PDE1C: variants seen among roughly 807,000 people sequenced by gnomAD.
PDE1C encodes phosphodiesterase 1C.
PDE1C carries 62 observed loss-of-function variants against 93.1 expected under a neutral mutation model. The observed-to-expected ratio is 0.67, with a 90% confidence interval of 0.54 to 0.82. The LOEUF (loss-of-function observed/expected upper bound fraction) is 0.82, where lower values mean the gene tolerates loss of function less well. Among genes scored for constraint, PDE1C ranks in the 40% least tolerant of loss-of-function variants. The probability of loss-of-function intolerance (pLI) is 0.00; values close to 1 mark genes in which losing one functional copy is unlikely to be tolerated. For synonymous variants in PDE1C, 325 were observed against 310.1 expected, an observed-to-expected ratio of 1.05 and a Z score of -0.50; for missense variants, 742 against 884.6, an observed-to-expected ratio of 0.84 and a Z score of 2.04.
At chr7:32,335,646 C>T (rs1158230575) in intron 1 of PDE1C, among the ~76,000 whole-genome samples, 1 of 152,092 alleles carries the variant, frequency 6.6e-6, no homozygotes, top group Non-Finnish European at 1.5e-5. Flanking sequence ...ATAAGGACAC[C>T]AATCATATTG....
chr7:32,296,688 C>A (rs1271774732), intron 1 of PDE1C, among the ~76,000 whole-genome samples: 1 of 152,112 alleles, frequency 6.6e-6, no homozygotes, highest in Non-Finnish European at 1.5e-5. Flanking sequence ...TTTTAGAAAG[C>A]CACACTTTGA....
intron 1 of PDE1C, among the ~76,000 whole-genome samples, chr7:32,269,801 T>C (rs1433111747): frequency 6.6e-6 from 1 of 152,094 alleles, no homozygotes; most frequent in Non-Finnish European, 1.5e-5. Flanking sequence ...AGAGACAGCA[T>C]CTCACTCTGT....
intron 2 of PDE1C, among the ~76,000 whole-genome samples, chr7:31,892,804 T>G (rs1458613939): frequency 6.6e-6 from 1 of 152,178 alleles, no homozygotes; most frequent in Admixed American, 6.5e-5. Context: ...GGGTACAAAG[T>G]TCCAGTTACA....
At chr7:31,851,543 C>A (rs1438741460) in intron 7 of PDE1C, among the ~76,000 whole-genome samples, 3 of 152,182 alleles carry the variant, frequency 2.0e-5, no homozygotes, top group South Asian at 4.1e-4. Context: ...TACTTCCTAT[C>A]GCTTCTGTAA....
intron 11 of PDE1C, among the ~76,000 whole-genome samples, chr7:31,832,457 G>A (rs909160681): frequency 1.1e-4 from 16 of 152,150 alleles, no homozygotes; most frequent in Non-Finnish European, 2.9e-5. Flanking sequence ...GGAATGTGTG[G>A]TCCATCAGCA....
intron 1 of PDE1C, among the ~76,000 whole-genome samples, chr7:32,348,459 G>A (rs1165646396): frequency 1.4e-5 from 2 of 138,306 alleles, no homozygotes; most frequent in African/African-American, 5.3e-5. Flanking sequence ...CTGTCCACCA[G>A]GTTCATGCCA....
chr7:31,782,404 C>G (rs1369811374), intron 16 of PDE1C, among the ~76,000 whole-genome samples: 1 of 152,066 alleles, frequency 6.6e-6, no homozygotes. Flanking sequence ...ATTATACTGT[C>G]GATACTTTCC....
chr7:31,901,539 T>C (rs1388638695), intron 2 of PDE1C, among the ~76,000 whole-genome samples: 1 of 151,204 alleles, frequency 6.6e-6, no homozygotes, highest in Non-Finnish European at 1.5e-5. Context: ...AGCTTACCAT[T>C]TTAAAGATAT....
At chr7:31,725,839 T>G in the PDE1C span, among the ~76,000 whole-genome samples, 19 of 152,340 alleles carry the variant, frequency 1.2e-4, no homozygotes, top group South Asian at 3.9e-3. Flanking sequence ...TTTTTTGGTT[T>G]GTTTGTTCTT....
chr7:32,017,760 T>C (rs1483723477), intron 2 of PDE1C, among the ~76,000 whole-genome samples: 2 of 152,042 alleles, frequency 1.3e-5, no homozygotes, highest in East Asian at 3.9e-4. Context: ...CTCAACATCA[T>C]TACCCCTGAA....
At chr7:32,337,043 ACT>A (rs145888147) in intron 1 of PDE1C, among the ~76,000 whole-genome samples, 32 of 147,154 alleles carry the variant, frequency 2.2e-4, no homozygotes, top group East Asian at 4.0e-4. Context: ...ATGTTTCTTA[ACT>A]CTCTCTCTCT....
rs1253059567 is a variant in PDE1C, at chr7:32,275,332, C to T, written c.85+23319G>A. 2.6e-5 allele frequency among the ~76,000 whole-genome samples: 4 copies of T among 152,148 alleles called. No individual in the cohort carries two copies. In the East Asian group the frequency reaches 7.7e-4, roughly 29 times the overall value. On this transcript the variant is annotated intron_variant, in intron 1 of 18. Coordinates refer to the PDE1C transcript ENST00000396193. ...AAACTTCTGAATAAAAACTTCTCTG[C>T]AGGATGCCCACACCCAGCCCCTACT...
At chr7:31,747,638 C>T (rs1048962033), downstream of PDE1C, among the ~76,000 whole-genome samples, 2 of 152,102 alleles carry the variant, frequency 1.3e-5, no homozygotes, top group African/African-American at 2.4e-5. Context: ...TTATCACTTA[C>T]ATCAGTCTCC....
intron 16 of PDE1C, among the ~76,000 whole-genome samples, chr7:31,805,101 C>T (rs142901946): frequency 6.6e-6 from 1 of 151,704 alleles, no homozygotes; most frequent in Admixed American, 6.6e-5. Context: ...TTCTTGTCTG[C>T]CACCACGTAA....
At chr7:32,020,371 T>G (rs557543182) in intron 2 of PDE1C, among the ~76,000 whole-genome samples, 4 of 152,072 alleles carry the variant, frequency 2.6e-5, no homozygotes, top group Non-Finnish European at 4.4e-5. Context: ...TAGAAATTCT[T>G]CATATTTTTT....
chr7:32,026,802 C>A (rs1451222232), intron 2 of PDE1C, among the ~76,000 whole-genome samples: 3 of 151,924 alleles, frequency 2.0e-5, no homozygotes, highest in African/African-American at 7.3e-5. Flanking sequence ...TGTGGTACAT[C>A]TAGACAGTGG....
intron 2 of PDE1C, among the ~76,000 whole-genome samples, chr7:31,889,915 T>C (rs577931888): frequency 6.6e-6 from 1 of 152,310 alleles, no homozygotes; most frequent in African/African-American, 2.4e-5. Flanking sequence ...AATAAGTGTT[T>C]CTTAAAAACC....
chr7:32,147,456 TACAC>T (rs1800965171), intron 3 of PDE1C, among the ~76,000 whole-genome samples: 3 of 152,186 alleles, frequency 2.0e-5, no homozygotes. Flanking sequence ...TTTAATCACA[TACAC>T]ACATTAATTA....
chr7:32,081,284 C>A (rs1796647785), intron 3 of PDE1C, among the ~76,000 whole-genome samples: 3 of 151,950 alleles, frequency 2.0e-5, no homozygotes, highest in Admixed American at 1.3e-4. Flanking sequence ...CAATTAAGAC[C>A]ATGTTAGAAA....
Sources: allele counts gnomAD v4.1 joint callset (sites outside exome capture counted in the v4.1 genomes callset), GRCh38; gene constraint gnomAD v4.1.1; transcripts MANE v1.5; gene names NCBI Gene and HGNC (gene_info 2026-07-23, HGNC 2026-07-21).